The following ZNF292 variants were observed in gnomAD, a reference collection of about 807,000 sequenced individuals.
ZNF292 encodes the protein 16 zinc-finger domain protein.
ZNF292 carries 26 observed loss-of-function variants against 217.9 expected under a neutral mutation model. That is an observed-to-expected ratio of 0.12 (90% CI 0.09 to 0.17). The LOEUF (loss-of-function observed/expected upper bound fraction) is 0.17, where lower values mean the gene tolerates loss of function less well. Among genes scored for constraint, ZNF292 ranks in the 10% least tolerant of loss-of-function variants. ZNF292 has a pLI of 1.00. For missense variants in ZNF292, 2,904 were observed against 3,175.2 expected (o/e 0.91, Z 2.05); for synonymous variants, 1,257 against 1,124.1 (o/e 1.12, Z -2.37).
At chr6:87,232,392 C>T (rs541390748) in intron 4 of ZNF292, among the ~76,000 whole-genome samples, 19 of 152,184 alleles carry the variant, frequency 1.2e-4, no homozygotes, top group African/African-American at 4.3e-4. Context: ...TGTTAACAAG[C>T]AGAGAAGATA....
At chr6:87,179,868 AT>A (rs1023598488) in intron 1 of ZNF292, among the ~76,000 whole-genome samples, 3 of 152,048 alleles carry the variant, frequency 2.0e-5, no homozygotes, top group Admixed American at 2.0e-4. Context: ...GCCCAGTCAG[AT>A]TTTTTTCATG....
chr6:87,240,700 G>A (rs549280251), intron 5 of ZNF292, among the ~76,000 whole-genome samples: 130 of 152,288 alleles, frequency 8.5e-4, no homozygotes, highest in African/African-American at 2.9e-3. Context: ...AATTTCAGGC[G>A]TGAGCCACCG....
In ZNF292 at chr6:87,258,909, A is replaced by G; in HGVS notation, c.5280A>G (p.Glu1760=). Residue 1760 remains glutamate (E), a synonymous_variant, in exon 8 of 8, where the codon GAA becomes GAG. Transcript: ENST00000369577. The stretch of plus-strand genomic sequence containing the variant: ...TACAAAACTTTGAAAAGACTCTTGA[A>G]ATTATTAAAACTGCTATGAATTCTC... ...NVIQNFEKTL[E]IIKTAMNSQI... 1 of 1,607,996 alleles carries G rather than the reference A, an allele frequency of 6.2e-7. No individual in the cohort carries two copies. The highest frequency in any genetic ancestry group is 8.5e-7 in the Non-Finnish European group (1 of 1,176,616).
chr6:87,215,844 G>T, intron 1 of ZNF292, 59 bp from the exon 2 acceptor site: 1 of 1,347,304 alleles, frequency 7.4e-7, no homozygotes, highest in Non-Finnish European at 9.9e-7. Flanking sequence ...AACAGCTGAT[G>T]AGTCAATGTA....
chr6:87,208,087 G>T (rs1299971117), intron 1 of ZNF292, among the ~76,000 whole-genome samples: 1 of 152,156 alleles, frequency 6.6e-6, no homozygotes, highest in Non-Finnish European at 1.5e-5. Context: ...GATATAAATA[G>T]TTTCCCCATA....
At chr6:87,206,762 T>C (rs537448087) in intron 1 of ZNF292, among the ~76,000 whole-genome samples, 54 of 152,324 alleles carry the variant, frequency 3.5e-4, no homozygotes, top group Admixed American at 2.3e-3. Flanking sequence ...AAATTGCACA[T>C]TAAAGATCAC....
At chr6:87,161,033 T>A (rs780319532) in intron 1 of ZNF292, among the ~76,000 whole-genome samples, 2 of 152,186 alleles carry the variant, frequency 1.3e-5, no homozygotes, top group Non-Finnish European at 2.9e-5. Flanking sequence ...AAATATACTT[T>A]ATTTGGAACA....
chr6:87,176,214 A>G (rs1771286648), intron 1 of ZNF292, among the ~76,000 whole-genome samples: 1 of 152,252 alleles, frequency 6.6e-6, no homozygotes, highest in African/African-American at 2.4e-5. Context: ...TTCACATGAC[A>G]TGAAGTTTTC....
rs371710750 is a variant in ZNF292 at position 87,218,671 on chromosome 6, G to A, written c.478G>A (p.Val160Met). 6 of 1,595,056 alleles carry A rather than the reference G, an allele frequency of 3.8e-6. No homozygotes were observed. Among genetic ancestry groups the A allele is most frequent in the Non-Finnish European group, 5.1e-6 (6 of 1,170,738 alleles). The change falls in exon 4 of 8, where the codon GTG (valine) becomes ATG (methionine). Residue 160 changes from valine (V) to methionine (M), a missense_variant. Val to Met is a conservative substitution (Grantham distance 21). Coordinates refer to ENST00000369577, the MANE Select transcript of ZNF292 (RefSeq NM_015021.3). Reference protein sequence around the residue: ...FLATLAQETGVWKNPVLCTIL... With the variant: ...FLATLAQETGMWKNPVLCTIL... The stretch of plus-strand genomic sequence containing the variant: ...AGCTACTCTAGCTCAAGAGACTGGG[G>A]TGTGGAAAAACCCGGTACTGTGCAC...
At chr6:87,214,022 A>G (rs897185043) in intron 1 of ZNF292, among the ~76,000 whole-genome samples, 1 of 152,224 alleles carries the variant, frequency 6.6e-6, no homozygotes, top group Non-Finnish European at 1.5e-5. Context: ...AGCATGTCAA[A>G]GTGCCACAGT....
intron 1 of ZNF292, among the ~76,000 whole-genome samples, chr6:87,168,263 G>A (rs1205496205): frequency 6.6e-6 from 1 of 152,156 alleles, no homozygotes; most frequent in Non-Finnish European, 1.5e-5. Context: ...TTACTACTAT[G>A]TAATACTTGC....
At chr6:87,200,085 G>A (rs983007287) in intron 1 of ZNF292, among the ~76,000 whole-genome samples, 2 of 152,104 alleles carry the variant, frequency 1.3e-5, no homozygotes, top group Admixed American at 1.3e-4. Flanking sequence ...TGTACATCCT[G>A]GGCTTGTAGG....
intron 1 of ZNF292, among the ~76,000 whole-genome samples, chr6:87,209,134 A>G (rs563376170): frequency 1.1e-4 from 16 of 145,970 alleles, no homozygotes; most frequent in Admixed American, 2.7e-4. Context: ...AGAGGCATCT[A>G]GTGCTCCCAG....
intron 1 of ZNF292, among the ~76,000 whole-genome samples, chr6:87,206,363 A>G (rs1772253491): frequency 6.6e-6 from 1 of 152,138 alleles, no homozygotes; most frequent in Admixed American, 6.5e-5. Context: ...TCTTCATAAC[A>G]GAAAAGTTAA....
intron 1 of ZNF292, among the ~76,000 whole-genome samples, chr6:87,179,960 G>A (rs961096116): frequency 3.9e-5 from 6 of 151,966 alleles, no homozygotes; most frequent in African/African-American, 1.2e-4. Context: ...GAAGATCCCC[G>A]AGTATTGAGT....
chr6:87,173,945 C>CTA (rs1306186766), intron 1 of ZNF292: 4 of 231,766 alleles, frequency 1.7e-5, no homozygotes, highest in African/African-American at 9.5e-5. Context: ...GTTAACTGTA[C>CTA]TATAACCTTT....
intron 1 of ZNF292, among the ~76,000 whole-genome samples, chr6:87,182,952 G>T (rs1321657129): frequency 1.3e-5 from 2 of 152,120 alleles, no homozygotes; most frequent in Non-Finnish European, 2.9e-5. Context: ...AAAACTGATG[G>T]CCCTGGCTCT....
In ZNF292 at chr6:87,255,442, C is replaced by A; in HGVS notation, c.1813C>A (p.Pro605Thr). The A allele has an allele frequency of 6.2e-7, 1 of 1,613,604 alleles. No homozygotes were observed. Among genetic ancestry groups the A allele is most frequent in the South Asian group, 1.1e-5 (1 of 91,052 alleles). The change falls in exon 8 of 8, where the codon CCA (proline) becomes ACA (threonine). Residue 605 changes from proline (P) to threonine (T), a missense_variant. Physicochemically the swap from Pro to Thr is conservative, Grantham distance 38. Coordinates refer to ENST00000369577, the MANE Select transcript of ZNF292 (RefSeq NM_015021.3). Reference protein sequence around the residue: ...SSKERLAAMKPLRRLGRPPKI... With the variant: ...SSKERLAAMKTLRRLGRPPKI... ...TAAAGAGAGACTAGCAGCTATGAAA[C>A]CATTAAGAAGATTGGGAAGGCCTCC...
chr6:87,250,970 C>A (rs73485831), intron 7 of ZNF292, among the ~76,000 whole-genome samples: 8 of 152,012 alleles, frequency 5.3e-5, no homozygotes, highest in African/African-American at 1.9e-4. Flanking sequence ...AGTGCAGTGC[C>A]TGGTATAAAG....
Sources: allele counts gnomAD v4.1 joint callset (sites outside exome capture counted in the v4.1 genomes callset), GRCh38; gene constraint gnomAD v4.1.1; transcripts MANE v1.5; gene names NCBI Gene and HGNC (gene_info 2026-07-23, HGNC 2026-07-21).